PDCL: variants seen among roughly 807,000 people sequenced by gnomAD.
The protein encoded by PDCL is phosducin like.
A neutral mutation model predicts 26.7 loss-of-function variants in PDCL; 11 were observed. That is an observed-to-expected ratio of 0.41 (90% CI 0.26 to 0.68). PDCL has a LOEUF of 0.68. PDCL is among the 30% of genes least tolerant of loss of function. The probability of loss-of-function intolerance (pLI) is 0.30; values close to 1 mark genes in which losing one functional copy is unlikely to be tolerated. For synonymous variants in PDCL, 118 were observed against 134.9 expected (o/e 0.87, Z 0.87); for missense variants, 330 against 371.6 (o/e 0.89, Z 0.92).
chr9:122,818,160 C>T lies in PDCL; in HGVS notation c.*1925G>A, dbSNP rs1829508466. The stretch of plus-strand genomic sequence containing the variant: ...GCATGTGCCTGTAGTCCCAGCTACT[C>T]AGGAGGCTGAGGCAGGAGAACTGCT... On this transcript the variant is annotated 3_prime_UTR_variant, in exon 4 of 4. Coordinates refer to ENST00000259467, the MANE Select transcript of PDCL (RefSeq NM_005388.5). 6.6e-6 allele frequency among the ~76,000 whole-genome samples: 1 copy of T among 152,110 alleles called. No individual in the cohort carries two copies. Among genetic ancestry groups the T allele is most frequent in the Non-Finnish European group, 1.5e-5 (1 of 68,026 alleles).
intron 1 of PDCL, among the ~76,000 whole-genome samples, chr9:122,828,166 G>C (rs1296727189): frequency 6.6e-6 from 1 of 152,126 alleles, no homozygotes. Flanking sequence ...GGAGGGGAGG[G>C]AAGGAGTTGC....
intron 2 of PDCL, among the ~76,000 whole-genome samples, chr9:122,824,461 C>G (rs1829597265): frequency 6.6e-6 from 1 of 152,138 alleles, no homozygotes; most frequent in Non-Finnish European, 1.5e-5. Flanking sequence ...CAGCCTAGCT[C>G]CTAGATGAAA....
Position 122,820,443 on chromosome 9 carries a change from A to G in PDCL, c.548T>C (p.Ile183Thr). The G allele has an allele frequency of 6.2e-7, 1 of 1,614,172 alleles. No individual in the cohort carries two copies. Among genetic ancestry groups the G allele is most frequent in the African/African-American group, 1.3e-5 (1 of 75,036 alleles). ...GCCATCCTCATAAATATGAACCATG[A>G]TGACAATGCTTTTCTGTTCTTTATC... ...MIDKEQKSIV[I>T]MVHIYEDGIP... The change falls in exon 4 of 4, where the codon ATC (isoleucine) becomes ACC (threonine). Residue 183 changes from isoleucine (I) to threonine (T), a missense_variant. Coordinates refer to ENST00000259467, the MANE Select transcript of PDCL (RefSeq NM_005388.5).
chr9:122,827,828 G>T (rs1004098184), intron 1 of PDCL, among the ~76,000 whole-genome samples: 3 of 152,130 alleles, frequency 2.0e-5, no homozygotes, highest in Non-Finnish European at 4.4e-5. Context: ...GCCCCCAGAG[G>T]CCTGCTTGAG....
Position 122,819,702 on chromosome 9 carries a change from C to G in PDCL, c.*383G>C, listed in dbSNP as rs1008230342. The G allele has an allele frequency of 6.3e-6, 1 of 159,796 alleles. No homozygotes were observed. The highest frequency in any genetic ancestry group is 1.4e-5 in the Non-Finnish European group (1 of 73,332). 9.9% of individuals were successfully genotyped at this position (159,796 alleles called of 1,614,324 possible). ...TTTGATTAAGAAAATGCACTATTTA[C>G]GTTGCAAATAACACAATACCTACAG... is the stretch of plus-strand genomic sequence containing the variant. On this transcript the variant is annotated 3_prime_UTR_variant, in exon 4 of 4. Transcript: ENST00000259467.
Position 122,820,644 on chromosome 9 carries a change from C to A in PDCL, c.355-8G>T. 6.3e-7 allele frequency: 1 copy of A among 1,592,958 alleles called. No individual in the cohort carries two copies. The highest frequency in any genetic ancestry group is 1.1e-5 in the South Asian group (1 of 88,146). On this transcript the variant is annotated splice_region_variant and splice_polypyrimidine_tract_variant and intron_variant, in intron 3 of 3. Transcript: ENST00000259467. ...AAACTCCTTCAGAGTCATCTGCAGGCGGACCAGCAAGTGAGCATAAATATG... is the reference window on the plus strand; with the variant it reads ...AAACTCCTTCAGAGTCATCTGCAGGAGGACCAGCAAGTGAGCATAAATATG...
Position 122,820,395 on chromosome 9 carries a change from T to C in PDCL, c.596A>G (p.Asn199Ser). 6.2e-7 allele frequency: 1 copy of C among 1,614,184 alleles called. No homozygotes were observed. The highest frequency in any genetic ancestry group is 8.5e-7 in the Non-Finnish European group (1 of 1,180,034). ...EDGIPGTEAM[N>S]GCMICLAAEY... ...TGCGGCAAGGCAGATCATGCAACCATTCATGGCTTCGGTCCCTGGAATGCC... is the reference window on the plus strand; with the variant it reads ...TGCGGCAAGGCAGATCATGCAACCACTCATGGCTTCGGTCCCTGGAATGCC... The change falls in exon 4 of 4, where the codon AAT (asparagine) becomes AGT (serine). Residue 199 changes from asparagine (N) to serine (S), a missense_variant. Asn to Ser is a conservative substitution (Grantham distance 46). Coordinates refer to ENST00000259467, the MANE Select transcript of PDCL (RefSeq NM_005388.5).
Position 122,820,068 on chromosome 9 carries a change from G to A in PDCL, c.*17C>T, listed in dbSNP as rs1398227079. ...CCAACCCAAACAATGAGAAATCTAT[G>A]CAACTAGACTATCAGTTCAATCTAT... On this transcript the variant is annotated 3_prime_UTR_variant, in exon 4 of 4. Coordinates refer to ENST00000259467, the MANE Select transcript of PDCL (RefSeq NM_005388.5). 2 of 1,548,260 alleles carry A rather than the reference G, an allele frequency of 1.3e-6. No individual in the cohort carries two copies. Among genetic ancestry groups the A allele is most frequent in the East Asian group, 2.3e-5 (1 of 44,308 alleles).
At chr9:122,825,151 A>G (rs1262500482) in intron 2 of PDCL, among the ~76,000 whole-genome samples, 1 of 152,196 alleles carries the variant, frequency 6.6e-6, no homozygotes, top group Non-Finnish European at 1.5e-5. Flanking sequence ...TACTAATGAA[A>G]AGTATAGGAG....
At chr9:122,826,079 G>A (rs916388961) in intron 2 of PDCL, among the ~76,000 whole-genome samples, 1 of 152,056 alleles carries the variant, frequency 6.6e-6, no homozygotes, top group Admixed American at 6.6e-5. Context: ...GCAACAAGGT[G>A]AGAACTTGTC....
chr9:122,823,344 G>T (rs965530969), intron 2 of PDCL, 147 bp from the exon 3 acceptor site: 14 of 758,358 alleles, frequency 1.8e-5, no homozygotes, highest in Non-Finnish European at 3.0e-5. Context: ...CTCTGCCACA[G>T]GGCAGAGTGG....
rs1478334719 is a variant in PDCL, at chr9:122,820,561, G to A, written c.430C>T (p.Arg144Ter). 7 of 1,613,798 alleles carry A rather than the reference G, an allele frequency of 4.3e-6. No individual in the cohort carries two copies. Among genetic ancestry groups the A allele is most frequent in the Non-Finnish European group, 5.1e-6 (6 of 1,180,000 alleles). ...AGCTGCTGCCGCATCTCTTCCATTCGCTGCTTCCGGTACTGCTGCAGAAAC... is the reference window on the plus strand; with the variant it reads ...AGCTGCTGCCGCATCTCTTCCATTCACTGCTTCCGGTACTGCTGCAGAAAC... Reference protein sequence around the residue: ...EEFLQQYRKQRMEEMRQQLHK... With the variant: ...EEFLQQYRKQ The change falls in exon 4 of 4, where the codon CGA becomes TGA. Residue 144 changes from arginine to a stop codon, truncating the protein, a stop_gained. Coordinates refer to ENST00000259467, the MANE Select transcript of PDCL (RefSeq NM_005388.5). LOFTEE classifies it high-confidence loss of function.
rs756221306 is a variant in PDCL, at chr9:122,819,952, ATTTC to A, written c.*129_*132del. 1.8e-5 allele frequency: 12 copies of A among 668,796 alleles called. No individual in the cohort carries two copies. Among genetic ancestry groups the A allele is most frequent in the Admixed American group, 3.4e-5 (1 of 29,420 alleles). 41.4% of individuals were successfully genotyped at this position (668,796 alleles called of 1,614,324 possible). A position where few individuals can be genotyped will look rare whatever the true frequency, so the allele number is the denominator to read the frequency against. ...TTCAGCATTCTGATTTAATCTAAGAATTTCTTTATTTTATGCATAATAAAAGGGA... is the reference window on the plus strand; with the variant it reads ...TTCAGCATTCTGATTTAATCTAAGAATTTATTTTATGCATAATAAAAGGGA... On this transcript the variant is annotated 3_prime_UTR_variant, in exon 4 of 4. Transcript: ENST00000259467.
chr9:122,820,789 G>C, intron 3 of PDCL, 153 bp from the exon 4 acceptor site: 1 of 568,900 alleles, frequency 1.8e-6, no homozygotes, highest in South Asian at 2.0e-5. Flanking sequence ...TTCAAGACCA[G>C]CCTGGCCAAC....
chr9:122,821,930 G>A (rs893769350), intron 3 of PDCL, among the ~76,000 whole-genome samples: 1 of 151,922 alleles, frequency 6.6e-6, no homozygotes, highest in South Asian at 2.1e-4. Flanking sequence ...ATCAGAACAC[G>A]TTGTTACTTT....
In PDCL at chr9:122,818,543, C is replaced by T. The variant is rs563543580; in HGVS notation, c.*1542G>A. The T allele has an allele frequency of 4.0e-5, 6 of 151,592 alleles. No individual in the cohort carries two copies. Among genetic ancestry groups the T allele is most frequent in the Admixed American group, 2.0e-4 (3 of 15,216 alleles). The allele number at this position is 151,592 out of a possible 1,614,324, so 9.4% of individuals were successfully genotyped here. A position where few individuals can be genotyped will look rare whatever the true frequency, so the allele number is the denominator to read the frequency against. ...TCTAATAATTTTCAATACATTCCAC[C>T]CTTTCTACTACAACGAGCTTTCTTA... On this transcript the variant is annotated 3_prime_UTR_variant, in exon 4 of 4. Transcript: ENST00000259467.
rs148879589 is a variant in PDCL, at chr9:122,820,680, A to G, written c.355-44T>C. The G allele has an allele frequency of 1.0e-3, 1,576 of 1,512,104 alleles. 23 individuals carry two copies. In the East Asian group the frequency reaches 0.03, roughly 29 times the overall value. The allele number at this position is 1,512,104 out of a possible 1,614,324, so 93.7% of individuals were successfully genotyped here. ...GTGAGCATAAATATGAAAACTGAAC[A>G]CTCGTGATAACAGTTAATATGGGCC... On this transcript the variant is annotated intron_variant, in intron 3 of 3. Coordinates refer to ENST00000259467, the MANE Select transcript of PDCL (RefSeq NM_005388.5).
chr9:122,822,366 G>A (rs774060814), intron 3 of PDCL, among the ~76,000 whole-genome samples: 126 of 150,802 alleles, frequency 8.4e-4, no homozygotes, highest in Non-Finnish European at 1.1e-3. Flanking sequence ...GACCAGCCTG[G>A]GCAACATAGA....
At position 122,820,655 on chromosome 9, in the gene PDCL, G is replaced by A; in HGVS notation, c.355-19C>T. 2 of 1,581,970 alleles carry A rather than the reference G, an allele frequency of 1.3e-6. No homozygotes were observed. Among genetic ancestry groups the A allele is most frequent in the Non-Finnish European group, 8.6e-7 (1 of 1,166,716 alleles). On this transcript the variant is annotated intron_variant, in intron 3 of 3. Transcript: ENST00000259467. ...GAGTCATCTGCAGGCGGACCAGCAAGTGAGCATAAATATGAAAACTGAACA... is the reference window on the plus strand; with the variant it reads ...GAGTCATCTGCAGGCGGACCAGCAAATGAGCATAAATATGAAAACTGAACA...
Sources: allele counts gnomAD v4.1 joint callset (sites outside exome capture counted in the v4.1 genomes callset), GRCh38; gene constraint gnomAD v4.1.1; transcripts MANE v1.5; gene names NCBI Gene and HGNC (gene_info 2026-07-23, HGNC 2026-07-21).